The following FASN variants were observed in gnomAD, a reference collection of about 807,000 sequenced individuals.
The protein encoded by FASN is fatty acid synthase, also known as 3-hydroxyacyl-[acyl-carrier-protein] dehydratase.
In FASN, 50 loss-of-function variants were observed where a neutral mutation model predicts 250.0. The ratio of observed to expected loss-of-function variants is 0.20; its 90% CI spans 0.16 to 0.25. FASN has a LOEUF of 0.25. FASN is among the 10% of genes least tolerant of loss of function. The probability of loss-of-function intolerance (pLI) is 1.00; values close to 1 mark genes in which losing one functional copy is unlikely to be tolerated. For missense variants in FASN, 3,031 were observed against 3,498.5 expected, an observed-to-expected ratio of 0.87 and a Z score of 3.37; for synonymous variants, 1,909 against 1,584.0, an observed-to-expected ratio of 1.21 and a Z score of -4.87.
chr17:82,089,811 G>T, intron 11 of FASN, 85 bp from the exon 12 acceptor site: 1 of 1,190,638 alleles, frequency 8.4e-7, no homozygotes, highest in Non-Finnish European at 1.2e-6. Flanking sequence ...CCTGCAGCTG[G>T]GGGCAGTAAT....
Position 82,083,291 on chromosome 17 carries a change from G to C in FASN, c.5476C>G (p.Leu1826Val), listed in dbSNP as rs775917581. The change falls in exon 32 of 43, where the codon CTC (leucine) becomes GTC (valine). Residue 1826 changes from leucine to valine, a missense_variant. Coordinates refer to ENST00000306749, the MANE Select transcript of FASN (RefSeq NM_004104.5). ...AGIRDGVVRP[L>V]KCTVFHGAQV... ...GCCCCATGGAACACCGTGCACTTGA[G>C]GGGCCGTACCACCCCATCCCGGATG... 1 of 1,612,640 alleles carries C rather than the reference G, an allele frequency of 6.2e-7. No homozygotes were observed. Among genetic ancestry groups the C allele is most frequent in the African/African-American group, 1.3e-5 (1 of 74,930 alleles).
At chr17:82,093,897 C>G (rs2034260382) in intron 3 of FASN, 126 bp from the exon 4 acceptor site, 1 of 974,020 alleles carries the variant, frequency 1.0e-6, no homozygotes, top group East Asian at 2.7e-5. Flanking sequence ...GGGGGTCCAT[C>G]CCAGTGGGAC....
In FASN at chr17:82,084,077, G is replaced by A. The variant is rs377037839; in HGVS notation, c.4996C>T (p.Arg1666Cys). The A allele has an allele frequency of 5.1e-5, 79 of 1,554,878 alleles. No homozygotes were observed. In the South Asian group the frequency reaches 7.0e-4, roughly 14 times the overall value. The change falls in exon 29 of 43, where the codon CGC becomes TGC. Residue 1666 changes from arginine (R) to cysteine (C), a missense_variant. By Grantham distance (180) the Arg-to-Cys change is radical. Transcript: ENST00000306749. ...YYALVVRGRV[R>C]PGETLLIHSG... Reference sequence around the variant, plus strand: ...TGGATGAGCAGCGTCTCCCCGGGGCGCACCCGCCCACGCACCACCAGCGCG... The same window carrying A: ...TGGATGAGCAGCGTCTCCCCGGGGCACACCCGCCCACGCACCACCAGCGCG...
Position 82,082,156 on chromosome 17 carries a change from T to C in FASN, c.6016A>G (p.Thr2006Ala), listed in dbSNP as rs1435500156. The C allele has an allele frequency of 2.5e-6, 4 of 1,603,010 alleles. No homozygotes were observed. In the African/African-American group the frequency reaches 5.3e-5, roughly 21 times the overall value. ...TCCAGCTCAGGGCACGCCTCTCGGG[T>C]CACCCTGTGGGCACGCGTGTCACTC... ...YSGTLNLDRV[T>A]REACPELDYF... is the part of the protein sequence containing the mutation. The change falls in exon 36 of 43, where the codon ACC becomes GCC. Residue 2006 changes from threonine to alanine, a missense_variant. By Grantham distance (58) the Thr-to-Ala change is moderately conservative (BLOSUM62 0). Transcript: ENST00000306749.
chr17:82,095,070 A>C (rs922592244), intron 3 of FASN, among the ~76,000 whole-genome samples: 2 of 152,174 alleles, frequency 1.3e-5, no homozygotes, highest in Admixed American at 1.3e-4. Context: ...CACCAGCCAG[A>C]CATCAGAAGC....
rs2034164984 is a variant in FASN at position 82,089,539 on chromosome 17, T to C, written c.1965+93A>G. 4 of 1,543,456 alleles carry C rather than the reference T, an allele frequency of 2.6e-6. No individual in the cohort carries two copies. The Admixed American group carries it at 5.7e-5, about 22-fold the overall frequency. On this transcript the variant is annotated intron_variant, in intron 12 of 42. Transcript: ENST00000306749. ...CCCCATGCCCCAGGCCCGTCAGAGC[T>C]TGGTGGGGCGTAGACCGTGGCCGCG...
In FASN at chr17:82,084,841, C is replaced by A; in HGVS notation, c.4522G>T (p.Asp1508Tyr). 1 of 1,550,410 alleles carries A rather than the reference C, an allele frequency of 6.4e-7. No homozygotes were observed. Among genetic ancestry groups the A allele is most frequent in the Non-Finnish European group, 8.7e-7 (1 of 1,146,976 alleles). Residue 1508 changes from aspartate to tyrosine, a missense_variant, in exon 26 of 43, where the codon GAC becomes TAC. Coordinates refer to ENST00000306749, the MANE Select transcript of FASN (RefSeq NM_004104.5). Reference sequence around the variant, plus strand: ...TGGCGGAAAGCCCCCCAGGCCCCGTCGCGGTAGACGTTCATCACCAGGTCT... The same window carrying A: ...TGGCGGAAAGCCCCCCAGGCCCCGTAGCGGTAGACGTTCATCACCAGGTCT... ...QGDLVMNVYR[D>Y]GAWGAFRHFL...
rs1398888593 is a variant in FASN at position 82,087,095 on chromosome 17, G to A, written c.3382C>T (p.Leu1128=). Residue 1128 remains leucine (L), a synonymous_variant, in exon 21 of 43, where the codon CTG becomes TTG. Coordinates refer to ENST00000306749, the MANE Select transcript of FASN (RefSeq NM_004104.5). ...TCCTGCAGGGCAGCGCGCTCAGACA[G>A]GCACCCCTCCTCCGTGTGGGGAGTG... The part of the protein sequence containing the change: ...CFTPHTEEGC[L]SERAALQEEL... 1.2e-6 allele frequency: 2 copies of A among 1,611,766 alleles called. No individual in the cohort carries two copies. Among genetic ancestry groups the A allele is most frequent in the East Asian group, 2.2e-5 (1 of 44,892 alleles).
At chr17:82,088,727 C>T (rs753195623) in intron 15 of FASN, 34 bp downstream of exon 15, 40 of 1,584,656 alleles carry the variant, frequency 2.5e-5, no homozygotes, top group East Asian at 1.1e-4. Flanking sequence ...TCCCCGACTC[C>T]GGGAGACGAG....
chr17:82,093,568 C>G (rs752491490), intron 4 of FASN, 30 bp downstream of exon 4: 1 of 1,612,594 alleles, frequency 6.2e-7, no homozygotes, highest in Non-Finnish European at 8.5e-7. Context: ...GAAGGCCACC[C>G]ACCTCCGCAG....
chr17:82,096,338 A>G lies in FASN; in HGVS notation c.108T>C (p.Asp36=), dbSNP rs763492827. ...LIGGVDMVTD[D]DRRWKAGLYG... ...ACATACCCGCCTTCCAGCGACGGTC[A>G]TCGTCCGTGACCATGTCCACACCGC... The change falls in exon 2 of 43, where the codon GAT becomes GAC. Residue 36 remains aspartate, a synonymous_variant. Transcript: ENST00000306749. The G allele has an allele frequency of 1.9e-6, 3 of 1,612,764 alleles. No individual in the cohort carries two copies. Among genetic ancestry groups the G allele is most frequent in the Non-Finnish European group, 2.5e-6 (3 of 1,179,956 alleles).
Position 82,084,663 on chromosome 17 carries a change from C to T in FASN, c.4618G>A (p.Asp1540Asn), listed in dbSNP as rs754488328. The T allele has an allele frequency of 2.7e-5, 43 of 1,588,380 alleles. No individual in the cohort carries two copies. Among genetic ancestry groups the T allele is most frequent in the Non-Finnish European group, 3.1e-5 (36 of 1,168,292 alleles). The change falls in exon 27 of 43, where the codon GAC (aspartate) becomes AAC (asparagine). Residue 1540 changes from aspartate (D) to asparagine (N), a missense_variant. Asp to Asn is a conservative substitution (Grantham distance 23). Transcript: ENST00000306749. ...HAFVSTLTRG[D>N]LSSIRWVCSS... ...CAGACCCAGCGGATGGAGGACAGGT[C>T]CCCCCGGGTGAGGGTGCTCACAAAG...
chr17:82,087,083 C>T lies in FASN; in HGVS notation c.3394G>A (p.Ala1132Thr), dbSNP rs780758635. Residue 1132 changes from alanine (A) to threonine (T), a missense_variant, in exon 21 of 43, where the codon GCT becomes ACT. Physicochemically the swap from Ala to Thr is moderately conservative, Grantham distance 58. Transcript: ENST00000306749. ...AGTTGCAGCTCCTCCTGCAGGGCAG[C>T]GCGCTCAGACAGGCACCCCTCCTCC... The part of the protein sequence containing the change: ...HTEEGCLSER[A>T]ALQEELQLCK... 84 of 1,611,446 alleles carry T rather than the reference C, an allele frequency of 5.2e-5. No individual in the cohort carries two copies. Among genetic ancestry groups the T allele is most frequent in the East Asian group, 6.7e-5 (3 of 44,892 alleles).
At chr17:82,094,025 C>T (rs1013966711) in intron 3 of FASN, 15 of 573,350 alleles carry the variant, frequency 2.6e-5, no homozygotes, top group South Asian at 5.9e-5. Context: ...GGGAACGAGG[C>T]GGAGGGGGCA....
rs537740304 is a variant in FASN, at chr17:82,095,552, G to A, written c.128-80C>T. On this transcript the variant is annotated intron_variant, in intron 2 of 42. Coordinates refer to ENST00000306749, the MANE Select transcript of FASN (RefSeq NM_004104.5). ...CCCTGTGGGGTGCTGCAGGCCCCTG[G>A]AGGGGCCATGGTGGAACTGAGGACT... 3.9e-6 allele frequency: 6 copies of A among 1,530,834 alleles called. No homozygotes were observed. The Admixed American group carries it at 8.7e-5, about 22-fold the overall frequency. The allele number at this position is 1,530,834 out of a possible 1,614,324, so 94.8% of individuals were successfully genotyped here.
chr17:82,085,398 G>A lies in FASN; in HGVS notation c.4127C>T (p.Ala1376Val), dbSNP rs200840955. ...QYGQGILSQD[A>V]WESLFSRVSL... The stretch of plus-strand genomic sequence containing the variant: ...CACCCTGGAGAAGAGGCTCTCCCAC[G>A]CGTCCTGTGGGGGCGGTGGTCAGCA... The change falls in exon 24 of 43, where the codon GCG becomes GTG. Residue 1376 changes from alanine (A) to valine (V), a missense_variant. Ala to Val is a moderately conservative substitution (Grantham distance 64). Coordinates refer to ENST00000306749, the MANE Select transcript of FASN (RefSeq NM_004104.5). 5.0e-4 allele frequency: 804 copies of A among 1,610,054 alleles called. 7 individuals carry two copies. The East Asian group carries it at 7.6e-3, about 15-fold the overall frequency.
intron 28 of FASN, 32 bp from the exon 29 acceptor site, chr17:82,084,185 C>T (rs111397783): frequency 7.5e-6 from 12 of 1,607,334 alleles, no homozygotes; most frequent in African/African-American, 5.3e-5. Context: ...CAGCACAGGC[C>T]TGGCCGCCAT....
chr17:82,087,927 A>G (rs1018164097), intron 18 of FASN, 27 bp downstream of exon 18: 3 of 1,612,108 alleles, frequency 1.9e-6, no homozygotes, highest in African/African-American at 2.7e-5. Flanking sequence ...CAGCCTCCGC[A>G]GCTCCCGTGC....
Position 82,082,166 on chromosome 17 carries a change from G to A in FASN, c.6012-6C>T. ...GGCACGCCTCTCGGGTCACCCTGTG[G>A]GCACGCGTGTCACTCCCCATTGGCC... On this transcript the variant is annotated splice_region_variant and splice_polypyrimidine_tract_variant and intron_variant, in intron 35 of 42. Coordinates refer to ENST00000306749, the MANE Select transcript of FASN (RefSeq NM_004104.5). 2 of 1,601,832 alleles carry A rather than the reference G, an allele frequency of 1.2e-6. No homozygotes were observed. Among genetic ancestry groups the A allele is most frequent in the Non-Finnish European group, 1.7e-6 (2 of 1,179,922 alleles).
Sources: gnomAD v4.1 joint callset for allele counts (sites outside exome capture counted in the v4.1 genomes callset) on GRCh38, gnomAD v4.1.1 for gene constraint, MANE v1.5 for transcripts, NCBI Gene and HGNC (gene_info 2026-07-23, HGNC 2026-07-21) for gene names.